The following ANKRD10 variants were observed in gnomAD, a reference collection of about 807,000 sequenced individuals.
ANKRD10 encodes the protein ankyrin repeat domain-containing protein 10.
In ANKRD10, 14 loss-of-function variants were observed where a neutral mutation model predicts 27.0. That is an observed-to-expected ratio of 0.52 (90% CI 0.34 to 0.81). ANKRD10 has a LOEUF of 0.81. ANKRD10 is among the 40% of genes least tolerant of loss of function. The probability of loss-of-function intolerance (pLI) is 0.01; values close to 1 mark genes in which losing one functional copy is unlikely to be tolerated. For synonymous variants in ANKRD10, 250 were observed against 224.5 expected, an observed-to-expected ratio of 1.11 and a Z score of -1.01; for missense variants, 493 against 544.0, an observed-to-expected ratio of 0.91 and a Z score of 0.93.
At chr13:110,892,436 A>AAAAAAAAT (rs1555321016) in intron 4 of ANKRD10, among the ~76,000 whole-genome samples, 4 of 144,568 alleles carry the variant, frequency 2.8e-5, no homozygotes, top group Non-Finnish European at 4.6e-5. Context: ...AAAAAAAAAA[A>AAAAAAAAT]TGGTGGGAGA....
intron 4 of ANKRD10, among the ~76,000 whole-genome samples, chr13:110,888,175 G>A (rs552559506): frequency 5.3e-5 from 8 of 151,496 alleles, no homozygotes; most frequent in African/African-American, 1.7e-4. Context: ...AAAGACCGGG[G>A]GGGACTGGGG....
intron 4 of ANKRD10, among the ~76,000 whole-genome samples, chr13:110,889,983 A>G (rs771918830): frequency 6.6e-6 from 1 of 152,172 alleles, no homozygotes; most frequent in Admixed American, 6.5e-5. Context: ...TCTTCTAAAT[A>G]TTTTTATATG....
rs1404804356 is a variant in ANKRD10 at position 110,914,756 on chromosome 13, G to A, written c.179C>T (p.Thr60Met). The A allele has an allele frequency of 1.3e-6, 2 of 1,595,948 alleles. No individual in the cohort carries two copies. The highest frequency in any genetic ancestry group is 1.7e-6 in the Non-Finnish European group (2 of 1,172,204). ...LASEDSFYGW[T>M]PVHWAAHFGK... Reference sequence around the variant, plus strand: ...GAAATGCGCGGCCCAGTGCACGGGCGTCCAGCCATAGAAGGAGTCCTCAGA... The same window carrying A: ...GAAATGCGCGGCCCAGTGCACGGGCATCCAGCCATAGAAGGAGTCCTCAGA... Residue 60 changes from threonine to methionine, a missense_variant, in exon 1 of 6, where the codon ACG becomes ATG. Coordinates refer to ENST00000267339, the MANE Select transcript of ANKRD10 (RefSeq NM_017664.4).
In ANKRD10 at chr13:110,914,990, C is replaced by T; in HGVS notation, c.-56G>A. On this transcript the variant is annotated 5_prime_UTR_variant, in exon 1 of 6. Transcript: ENST00000267339. ...GGCCTAGAGGACGCGTCGGGGAGGA[C>T]TCGAGAAGCCGCCGCCGCAGCACAA... 6.7e-7 allele frequency: 1 copy of T among 1,493,924 alleles called. No homozygotes were observed. The highest frequency in any genetic ancestry group is 8.9e-7 in the Non-Finnish European group (1 of 1,126,736). The allele number at this position is 1,493,924 out of a possible 1,614,324, so 92.5% of individuals were successfully genotyped here.
chr13:110,906,059 G>A lies in ANKRD10; in HGVS notation c.429C>T (p.Ala143=). 6.2e-7 allele frequency: 1 copy of A among 1,602,932 alleles called. No individual in the cohort carries two copies. The highest frequency in any genetic ancestry group is 8.5e-7 in the Non-Finnish European group (1 of 1,173,906). Residue 143 remains alanine (A), a synonymous_variant, in exon 3 of 6, where the codon GCC becomes GCT. Transcript: ENST00000267339. ...ARSGSLECIS[A]LVANGAHVDL... is the part of the protein sequence containing the mutation. ...CGACGTGAGCCCCATTCGCCACAAG[G>A]GCACTGATGCATTCTAGGCTCCCAG...
Position 110,880,017 on chromosome 13 carries a change from TC to T in ANKRD10, c.882del (p.Met295TrpfsTer9). 1 of 1,614,172 alleles carries T rather than the reference TC, an allele frequency of 6.2e-7. No homozygotes were observed. The highest frequency in any genetic ancestry group is 8.5e-7 in the Non-Finnish European group (1 of 1,180,034). On this transcript the variant is annotated frameshift_variant, in exon 6 of 6. Coordinates refer to ENST00000267339, the MANE Select transcript of ANKRD10 (RefSeq NM_017664.4). LOFTEE classifies it low-confidence loss of function (END_TRUNC). ...LDFPSTTPLS[G>X]MESRNGQCLT... The stretch of plus-strand genomic sequence containing the variant: ...AAGCACTGGCCATTCCTGCTTTCCA[TC>T]CCACTGAGCGGGGTCGTGGAGGGGA...
At chr13:110,880,715 CTG>C (rs1414834019) in intron 5 of ANKRD10, among the ~76,000 whole-genome samples, 1 of 152,168 alleles carries the variant, frequency 6.6e-6, no homozygotes, top group Non-Finnish European at 1.5e-5. Flanking sequence ...AAAGGAACCA[CTG>C]TTTTTATTTT....
Position 110,879,940 on chromosome 13 carries a change from C to G in ANKRD10, c.960G>C (p.Pro320=). Residue 320 remains proline, a synonymous_variant, in exon 6 of 6, where the codon CCG becomes CCC. Coordinates refer to ENST00000267339, the MANE Select transcript of ANKRD10 (RefSeq NM_017664.4). ...SSGLAPGQPF[P]SSQGSLCISG... is the part of the protein sequence containing the mutation. ...TAATGCAGAGAGAACCCTGGCTACT[C>G]GGAAACGGCTGTCCTGGGGCTAATC... 2 of 1,614,188 alleles carry G rather than the reference C, an allele frequency of 1.2e-6. No individual in the cohort carries two copies. The highest frequency in any genetic ancestry group is 1.7e-6 in the Non-Finnish European group (2 of 1,180,038).
intron 1 of ANKRD10, among the ~76,000 whole-genome samples, chr13:110,913,843 T>C (rs1434652956): frequency 6.6e-6 from 1 of 152,184 alleles, no homozygotes; most frequent in African/African-American, 2.4e-5. Flanking sequence ...CGGTGAAATC[T>C]TATTTAAGAT....
At chr13:110,882,466 G>A (rs902790505) in intron 5 of ANKRD10, among the ~76,000 whole-genome samples, 3 of 152,278 alleles carry the variant, frequency 2.0e-5, no homozygotes, top group South Asian at 2.1e-4. Context: ...GTATGGACTC[G>A]GCATCTGGTA....
chr13:110,914,326 T>C (rs1261444312), intron 1 of ANKRD10, among the ~76,000 whole-genome samples: 1 of 152,104 alleles, frequency 6.6e-6, no homozygotes, highest in African/African-American at 2.4e-5. Flanking sequence ...AATACCCGGC[T>C]CTGCGAAATC....
chr13:110,889,776 C>T (rs2065027649), intron 4 of ANKRD10, among the ~76,000 whole-genome samples: 1 of 152,140 alleles, frequency 6.6e-6, no homozygotes, highest in South Asian at 2.1e-4. Flanking sequence ...AGCCAGAAAA[C>T]TTTCTGGAAG....
intron 3 of ANKRD10, among the ~76,000 whole-genome samples, chr13:110,897,694 T>A (rs1401193668): frequency 1.3e-5 from 2 of 152,150 alleles, no homozygotes; most frequent in African/African-American, 4.8e-5. Context: ...ATATATGGAT[T>A]TTCTTTTGGA....
Position 110,892,821 on chromosome 13 carries a change from T to C in ANKRD10, c.691+207A>G, listed in dbSNP as rs2065117688. 6 of 1,355,648 alleles carry C rather than the reference T, an allele frequency of 4.4e-6. No individual in the cohort carries two copies. The South Asian group carries it at 7.5e-5, about 17-fold the overall frequency. 84.0% of individuals were successfully genotyped at this position (1,355,648 alleles called of 1,614,324 possible). A position where few individuals can be genotyped will look rare whatever the true frequency, so the allele number is the denominator to read the frequency against. Reference sequence around the variant, plus strand: ...CACATAGACATTTACACTTGGGCCATCAGTATTTCCCTCACATTCCCTTTT... The same window carrying C: ...CACATAGACATTTACACTTGGGCCACCAGTATTTCCCTCACATTCCCTTTT... On this transcript the variant is annotated intron_variant, in intron 4 of 5. Transcript: ENST00000267339.
At chr13:110,914,099 A>C (rs1594655449) in intron 1 of ANKRD10, among the ~76,000 whole-genome samples, 1 of 152,162 alleles carries the variant, frequency 6.6e-6, no homozygotes, top group Admixed American at 6.5e-5. Flanking sequence ...CTTAAAGCAA[A>C]CCCAGAAGCT....
At chr13:110,894,386 T>C (rs1185309794) in intron 3 of ANKRD10, 2 of 228,000 alleles carry the variant, frequency 8.8e-6, no homozygotes, top group Non-Finnish European at 1.6e-5. Context: ...ATGCCTTTCT[T>C]GGGGTTACTG....
intron 1 of ANKRD10, among the ~76,000 whole-genome samples, 199 bp from the exon 2 acceptor site, chr13:110,910,969 A>G (rs113322614): frequency 1.0e-3 from 159 of 152,342 alleles, no homozygotes; most frequent in African/African-American, 3.5e-3. Context: ...TATGAAAAAG[A>G]CGGTAGATAG....
intron 3 of ANKRD10, chr13:110,904,002 TG>T (rs945465504): frequency 3.9e-5 from 6 of 152,220 alleles, no homozygotes; most frequent in African/African-American, 1.2e-4. Flanking sequence ...GTGGACTAAA[TG>T]GGGTAAATTA....
At chr13:110,899,529 T>C (rs1236897910) in intron 3 of ANKRD10, among the ~76,000 whole-genome samples, 2 of 152,236 alleles carry the variant, frequency 1.3e-5, no homozygotes, top group African/African-American at 4.8e-5. Context: ...AACGGTCAAC[T>C]TGAGGTTCAA....
Sources: gnomAD v4.1 joint callset for allele counts (sites outside exome capture counted in the v4.1 genomes callset) on GRCh38, gnomAD v4.1.1 for gene constraint, MANE v1.5 for transcripts, NCBI Gene and HGNC (gene_info 2026-07-23, HGNC 2026-07-21) for gene names.